FNDC3A: variants seen among roughly 807,000 people sequenced by gnomAD.
The protein encoded by FNDC3A is fibronectin type-III domain-containing protein 3A.
In FNDC3A, 32 loss-of-function variants were observed where a neutral mutation model predicts 148.9. The observed-to-expected ratio is 0.21, with a 90% confidence interval of 0.16 to 0.29. The LOEUF is 0.29. Among genes scored for constraint, FNDC3A ranks in the 10% least tolerant of loss-of-function variants. The pLI is 1.00. For synonymous variants in FNDC3A, 472 were observed against 473.6 expected, an observed-to-expected ratio of 1.00 and a Z score of 0.04; for missense variants, 1,191 against 1,452.8, an observed-to-expected ratio of 0.82 and a Z score of 2.93.
chr13:49,100,003 G>A (rs1879764427), intron 3 of FNDC3A, among the ~76,000 whole-genome samples: 1 of 151,988 alleles, frequency 6.6e-6, no homozygotes, highest in Non-Finnish European at 1.5e-5. Flanking sequence ...TAAAAATTAG[G>A]ATGACTATTT....
At chr13:49,127,086 T>C (rs1222223012) in intron 4 of FNDC3A, among the ~76,000 whole-genome samples, 8 of 152,162 alleles carry the variant, frequency 5.3e-5, no homozygotes, top group Non-Finnish European at 1.0e-4. Context: ...TTTCCTCATC[T>C]GTAACACAAA....
intron 3 of FNDC3A, among the ~76,000 whole-genome samples, chr13:49,094,017 C>T (rs988256755): frequency 3.9e-4 from 59 of 152,016 alleles, no homozygotes; most frequent in African/African-American, 1.3e-3. Context: ...AAAGAGTGAA[C>T]GATACAGATT....
At chr13:48,978,909 A>G (rs1343592391) in intron 1 of FNDC3A, among the ~76,000 whole-genome samples, 1 of 152,152 alleles carries the variant, frequency 6.6e-6, no homozygotes, top group African/African-American at 2.4e-5. Flanking sequence ...ATGTATTGTG[A>G]GCTTTTATAA....
chr13:49,208,884 G>T lies in FNDC3A; in HGVS notation c.*1489G>T, dbSNP rs1413551184. The T allele has an allele frequency of 3.3e-5, 5 of 152,460 alleles. No homozygotes were observed. The highest frequency in any genetic ancestry group is 9.7e-5 in the African/African-American group (4 of 41,404). 9.4% of individuals were successfully genotyped at this position (152,460 alleles called of 1,614,324 possible). A position where few individuals can be genotyped will look rare whatever the true frequency, so the allele number is the denominator to read the frequency against. ...TCTTTGAAAAAAGAACGTATTTTTT[G>T]TGCTTTGAAGATCTCTGAAGAATTT... On this transcript the variant is annotated 3_prime_UTR_variant, in exon 26 of 26. Transcript: ENST00000492622.
intron 2 of FNDC3A, among the ~76,000 whole-genome samples, chr13:49,053,540 C>T (rs1354898013): frequency 6.6e-6 from 1 of 152,016 alleles, no homozygotes; most frequent in Non-Finnish European, 1.5e-5. Context: ...GTGAGGCATA[C>T]AGTGGTTTGG....
intron 2 of FNDC3A, among the ~76,000 whole-genome samples, chr13:49,033,809 G>A (rs1373725679): frequency 6.6e-6 from 1 of 151,704 alleles, no homozygotes; most frequent in African/African-American, 2.4e-5. Flanking sequence ...TTTAATGTAG[G>A]TGCTGATAGA....
At chr13:49,110,230 T>TG (rs897720829) in intron 3 of FNDC3A, 8 of 775,462 alleles carry the variant, frequency 1.0e-5, no homozygotes, top group African/African-American at 9.1e-5. Context: ...TGCCCTTTCC[T>TG]GGGTCACTGC....
intron 4 of FNDC3A, among the ~76,000 whole-genome samples, chr13:49,118,795 A>T (rs1030748000): frequency 6.6e-6 from 1 of 152,192 alleles, no homozygotes; most frequent in African/African-American, 2.4e-5. Context: ...TAGCCAGACT[A>T]CCTCTCTAGA....
At chr13:49,161,555 A>T (rs565956954) in intron 8 of FNDC3A, among the ~76,000 whole-genome samples, 1 of 152,108 alleles carries the variant, frequency 6.6e-6, no homozygotes, top group East Asian at 1.9e-4. Context: ...CTGACTGTTT[A>T]TCCAGTTTGC....
At chr13:49,025,563 G>A (rs541816753) in intron 2 of FNDC3A, among the ~76,000 whole-genome samples, 1 of 152,138 alleles carries the variant, frequency 6.6e-6, no homozygotes, top group South Asian at 2.1e-4. Flanking sequence ...AGCTAAAACA[G>A]CTGGTAAACT....
At chr13:49,057,066 G>GTGTTA (rs1258490099) in intron 2 of FNDC3A, among the ~76,000 whole-genome samples, 2 of 152,056 alleles carry the variant, frequency 1.3e-5, no homozygotes, top group Non-Finnish European at 2.9e-5. Flanking sequence ...CATTTGTGTT[G>GTGTTA]GCTTTTTCCA....
At chr13:49,183,786 A>AGGCT (rs1222370689) in intron 14 of FNDC3A, among the ~76,000 whole-genome samples, 1 of 152,174 alleles carries the variant, frequency 6.6e-6, no homozygotes, top group African/African-American at 2.4e-5. Context: ...ACTAAACTTT[A>AGGCT]CTGAGTTCTG....
intron 2 of FNDC3A, among the ~76,000 whole-genome samples, chr13:49,026,542 C>T (rs1489993867): frequency 6.6e-6 from 1 of 152,078 alleles, no homozygotes; most frequent in Non-Finnish European, 1.5e-5. Flanking sequence ...CCTGTTCTGT[C>T]ACCCAGGCCA....
intron 5 of FNDC3A, among the ~76,000 whole-genome samples, chr13:49,133,249 T>A (rs1287225717): frequency 1.3e-5 from 2 of 152,242 alleles, no homozygotes; most frequent in East Asian, 3.8e-4. Context: ...TACTGCAGAT[T>A]AGTCTCATCC....
chr13:49,196,458 T>G (rs1593741215), intron 19 of FNDC3A, among the ~76,000 whole-genome samples: 1 of 152,204 alleles, frequency 6.6e-6, no homozygotes, highest in East Asian at 1.9e-4. Flanking sequence ...TTGGTAAAAT[T>G]TGATATGGAA....
chr13:49,093,733 T>C (rs963120965), intron 3 of FNDC3A, among the ~76,000 whole-genome samples: 2 of 152,162 alleles, frequency 1.3e-5, no homozygotes, highest in Non-Finnish European at 2.9e-5. Flanking sequence ...ATGTACTTGC[T>C]TCCTGAAATA....
At chr13:49,012,839 G>GTGTGTGTGTGTGTGTA (rs1952382927) in intron 2 of FNDC3A, among the ~76,000 whole-genome samples, 4 of 151,244 alleles carry the variant, frequency 2.6e-5, no homozygotes, top group Admixed American at 2.6e-4. Context: ...GTGTGTGTGT[G>GTGTGTGTGTGTGTGTA]TATCATTTTC....
intron 3 of FNDC3A, among the ~76,000 whole-genome samples, chr13:49,099,244 T>C (rs1566248878): frequency 1.3e-5 from 2 of 152,186 alleles, no homozygotes; most frequent in Non-Finnish European, 2.9e-5. Context: ...CACCTTGATC[T>C]CTAGTAAGTA....
chr13:49,203,431 C>T (rs1886510353), intron 25 of FNDC3A, 147 bp downstream of exon 25: 17 of 579,364 alleles, frequency 2.9e-5, no homozygotes, highest in Non-Finnish European at 5.0e-5. Context: ...CTCAAGATTC[C>T]AAATCTTTTC....
Sources: gnomAD v4.1 joint callset for allele counts (sites outside exome capture counted in the v4.1 genomes callset) on GRCh38, gnomAD v4.1.1 for gene constraint, MANE v1.5 for transcripts, NCBI Gene and HGNC (gene_info 2026-07-23, HGNC 2026-07-21) for gene names.